The following PAPPA variants were observed in gnomAD, a reference collection of about 807,000 sequenced individuals.
PAPPA encodes the protein pappalysin-1.
Under a neutral mutation model 164.0 loss-of-function variants are expected in PAPPA, and 60 were observed. That is an observed-to-expected ratio of 0.37 (90% CI 0.30 to 0.45). PAPPA has a LOEUF of 0.45. PAPPA is among the 20% of genes least tolerant of loss of function. PAPPA has a pLI of 1.00. For missense variants in PAPPA, 1,782 were observed against 2,087.3 expected (o/e 0.85, Z 2.85); for synonymous variants, 875 against 814.1 (o/e 1.07, Z -1.27).
At chr9:116,174,942 T>A (rs1029440914) in intron 1 of PAPPA, among the ~76,000 whole-genome samples, 1 of 152,182 alleles carries the variant, frequency 6.6e-6, no homozygotes, top group African/African-American at 2.4e-5. Flanking sequence ...AATAGAAATT[T>A]TTTTCTCTGC....
intron 13 of PAPPA, among the ~76,000 whole-genome samples, chr9:116,337,049 T>C (rs941516336): frequency 6.6e-5 from 10 of 152,214 alleles, no homozygotes; most frequent in African/African-American, 2.4e-4. Flanking sequence ...GAGTGAGTCA[T>C]GACCATTCAG....
At chr9:116,232,567 C>T (rs992961115) in intron 6 of PAPPA, among the ~76,000 whole-genome samples, 7 of 152,218 alleles carry the variant, frequency 4.6e-5, no homozygotes, top group Non-Finnish European at 1.0e-4. Flanking sequence ...TCAGTTTCCT[C>T]TTCTGTAAAA....
intron 6 of PAPPA, among the ~76,000 whole-genome samples, chr9:116,231,225 A>T (rs910441546): frequency 1.3e-5 from 2 of 152,178 alleles, no homozygotes; most frequent in African/African-American, 4.8e-5. Flanking sequence ...TTTTAATTTA[A>T]TCACTGTATA....
chr9:116,380,617 C>A (rs1017260883), intron 20 of PAPPA, among the ~76,000 whole-genome samples: 1 of 152,118 alleles, frequency 6.6e-6, no homozygotes, highest in Non-Finnish European at 1.5e-5. Context: ...TTTGTTTATA[C>A]CCCACTGCTC....
chr9:116,307,637 A>G (rs1845663672), intron 10 of PAPPA, among the ~76,000 whole-genome samples: 1 of 152,128 alleles, frequency 6.6e-6, no homozygotes. Context: ...AAACCATACT[A>G]TACCTTGTAA....
intron 17 of PAPPA, among the ~76,000 whole-genome samples, chr9:116,354,961 G>T (rs141701458): frequency 1.2e-4 from 18 of 151,790 alleles, no homozygotes; most frequent in African/African-American, 3.9e-4. Context: ...ACCTTAAAAA[G>T]AGTTATCCTT....
At chr9:116,287,102 A>T (rs951611990) in intron 9 of PAPPA, 1 of 152,254 alleles carries the variant, frequency 6.6e-6, no homozygotes, top group Non-Finnish European at 1.5e-5. Flanking sequence ...CAGCATGGGA[A>T]TGACTTACCC....
rs185493142 is a variant in PAPPA at position 116,227,327 on chromosome 9, G to A, written c.2112-104G>A. The A allele has an allele frequency of 5.5e-5, 66 of 1,210,354 alleles. 1 individual carries two copies. The African/African-American group carries it at 6.7e-4, about 12-fold the overall frequency. The allele number at this position is 1,210,354 out of a possible 1,614,324, so 75.0% of individuals were successfully genotyped here. On this transcript the variant is annotated intron_variant, in intron 5 of 21. Transcript: ENST00000328252. ...TGTAGGCAGGAAAGGGGGAAACACA[G>A]ATTTGTTGTGTCCTCTGCCCCATTG... is the stretch of plus-strand genomic sequence containing the variant.
chr9:116,370,815 C>T (rs1007890193), intron 19 of PAPPA, among the ~76,000 whole-genome samples: 3 of 152,212 alleles, frequency 2.0e-5, no homozygotes, highest in African/African-American at 4.8e-5. Context: ...GACACCAGGA[C>T]AGTGAGCTTT....
chr9:116,253,935 C>G (rs974228429), intron 7 of PAPPA, among the ~76,000 whole-genome samples: 2 of 152,122 alleles, frequency 1.3e-5, no homozygotes, highest in African/African-American at 2.4e-5. Flanking sequence ...TTCAACTTTC[C>G]TTCCAAACTC....
At chr9:116,239,396 T>C (rs1055656126) in intron 7 of PAPPA, among the ~76,000 whole-genome samples, 1 of 152,188 alleles carries the variant, frequency 6.6e-6, no homozygotes, top group Non-Finnish European at 1.5e-5. Flanking sequence ...TTTCCATATC[T>C]GTACAATGAG....
intron 21 of PAPPA, among the ~76,000 whole-genome samples, chr9:116,384,010 C>T (rs920586995): frequency 6.6e-6 from 1 of 151,936 alleles, no homozygotes; most frequent in Non-Finnish European, 1.5e-5. Flanking sequence ...GTATTTTATT[C>T]TGTGAATTTT....
intron 4 of PAPPA, 103 bp from the exon 5 acceptor site, chr9:116,219,834 G>T (rs962908384): frequency 1.1e-4 from 101 of 899,900 alleles, no homozygotes; most frequent in Non-Finnish European, 1.5e-4. Context: ...GGCAAGGAAC[G>T]ACTTGGGTGC....
At chr9:116,218,559 C>T (rs986149866) in intron 4 of PAPPA, among the ~76,000 whole-genome samples, 3 of 152,098 alleles carry the variant, frequency 2.0e-5, no homozygotes, top group African/African-American at 7.2e-5. Context: ...TGCAAGCGTT[C>T]TCCCTCAGAA....
chr9:116,188,440 A>G (rs1844005194), intron 2 of PAPPA, among the ~76,000 whole-genome samples: 1 of 152,158 alleles, frequency 6.6e-6, no homozygotes. Context: ...GTCATGAGGG[A>G]AGCCTGAGAG....
At chr9:116,155,125 T>C (rs1165411301) in intron 1 of PAPPA, among the ~76,000 whole-genome samples, 1 of 152,174 alleles carries the variant, frequency 6.6e-6, no homozygotes, top group Non-Finnish European at 1.5e-5. Flanking sequence ...GAAGCCTGCC[T>C]CTGGGACTCA....
intron 9 of PAPPA, among the ~76,000 whole-genome samples, chr9:116,276,803 G>T (rs962407624): frequency 3.3e-5 from 5 of 152,020 alleles, no homozygotes; most frequent in Admixed American, 6.6e-5. Context: ...TAGAGCCAGG[G>T]CCAGTAACTC....
intron 9 of PAPPA, among the ~76,000 whole-genome samples, chr9:116,278,218 A>G (rs1036213847): frequency 6.6e-6 from 1 of 152,196 alleles, no homozygotes; most frequent in Non-Finnish European, 1.5e-5. Context: ...CTTTGTAAAA[A>G]TGATTTCATT....
At chr9:116,177,497 A>G (rs1843851107) in intron 1 of PAPPA, among the ~76,000 whole-genome samples, 1 of 152,216 alleles carries the variant, frequency 6.6e-6, no homozygotes, top group South Asian at 2.1e-4. Context: ...TGATTCAAAT[A>G]TGAGGTTAGG....
Sources: gnomAD v4.1 joint callset for allele counts (sites outside exome capture counted in the v4.1 genomes callset) on GRCh38, gnomAD v4.1.1 for gene constraint, MANE v1.5 for transcripts, NCBI Gene and HGNC (gene_info 2026-07-23, HGNC 2026-07-21) for gene names.